ZFHX3: variants seen among roughly 807,000 people sequenced by gnomAD.
The protein encoded by ZFHX3 is zinc finger homeobox protein 3.
Under a neutral mutation model 279.1 loss-of-function variants are expected in ZFHX3, and 42 were observed. That is an observed-to-expected ratio of 0.15 (90% confidence interval 0.12 to 0.19). ZFHX3 has a LOEUF of 0.19. Ranked by LOEUF, ZFHX3 falls within the 10% of genes least tolerant of loss-of-function variation. The pLI is 1.00. For synonymous variants in ZFHX3, 2,293 were observed against 1,957.8 expected (o/e 1.17, Z -4.52); for missense variants, 4,981 against 4,754.0 (o/e 1.05, Z -1.40).
At chr16:73,641,926 T>C (rs1409106784) in intron 2 of ZFHX3, among the ~76,000 whole-genome samples, 1 of 152,114 alleles carries the variant, frequency 6.6e-6, no homozygotes, top group African/African-American at 2.4e-5. Flanking sequence ...AATTCTCAGA[T>C]GCAAACGAGA....
At chr16:73,765,293 A>C (rs328368) in intron 1 of ZFHX3, among the ~76,000 whole-genome samples, 11,640 of 152,254 alleles carry the variant, frequency 0.076, 656 homozygotes, top group African/African-American at 0.16. Context: ...TTGCAGTGCT[A>C]ATCTGTCTTG....
intron 4 of ZFHX3, among the ~76,000 whole-genome samples, chr16:72,874,204 T>TG (rs1400997572): frequency 3.1e-5 from 1 of 32,310 alleles, no homozygotes; most frequent in Non-Finnish European, 9.4e-5. Context: ...TTTGATTTTT[T>TG]TTTTTTTTTT....
chr16:73,246,827 A>G (rs527431011), intron 5 of ZFHX3, among the ~76,000 whole-genome samples: 24 of 152,352 alleles, frequency 1.6e-4, no homozygotes. Flanking sequence ...TGATTCTTTC[A>G]TTCTTGACTG....
chr16:72,946,727 G>A (rs555488419), intron 3 of ZFHX3, among the ~76,000 whole-genome samples: 2 of 152,196 alleles, frequency 1.3e-5, no homozygotes, highest in Non-Finnish European at 2.9e-5. Flanking sequence ...AGAGGGCAGA[G>A]GGCAAGCATG....
intron 4 of ZFHX3, among the ~76,000 whole-genome samples, chr16:73,317,831 T>A (rs11861693): frequency 0.02 from 2,976 of 152,292 alleles, 103 homozygotes; most frequent in African/African-American, 0.068. Context: ...GATGAAGGGA[T>A]GGCAAATAAA....
At position 72,959,313 on chromosome 16, in the gene ZFHX3, C is replaced by T. The variant is rs1961440227; in HGVS notation, c.833G>A (p.Arg278Lys). ...KFDGFVLYGK[R>K]KPILMCFLCK... is the part of the protein sequence containing the mutation. The stretch of plus-strand genomic sequence containing the variant: ...CAAGAAACACATCAGGATGGGCTTC[C>T]TCTTGCCATAGAGCACAAAGCCATC... Residue 278 changes from arginine to lysine, a missense_variant, in exon 2 of 10, where the codon AGG becomes AAG. Coordinates refer to ENST00000268489, the MANE Select transcript of ZFHX3 (RefSeq NM_006885.4). 1 of 1,614,256 alleles carries T rather than the reference C, an allele frequency of 6.2e-7. No individual in the cohort carries two copies. Among genetic ancestry groups the T allele is most frequent in the South Asian group, 1.1e-5 (1 of 91,082 alleles).
chr16:73,853,513 A>T (rs1348847797), intron 1 of ZFHX3, among the ~76,000 whole-genome samples: 1 of 152,206 alleles, frequency 6.6e-6, no homozygotes, highest in Non-Finnish European at 1.5e-5. Flanking sequence ...AAAGAATAAA[A>T]TGATGTCCTT....
intron 2 of ZFHX3, among the ~76,000 whole-genome samples, chr16:73,546,651 A>G (rs1349912397): frequency 6.6e-6 from 1 of 150,536 alleles, no homozygotes; most frequent in African/African-American, 2.4e-5. Context: ...TGGTGTGAGA[A>G]AAAGCTTTGG....
intron 2 of ZFHX3, among the ~76,000 whole-genome samples, chr16:73,570,987 A>G (rs115854718): frequency 0.016 from 2,377 of 151,984 alleles, 76 homozygotes; most frequent in African/African-American, 0.055. Context: ...GTGTTAAGAC[A>G]TCATTCCTCC....
Position 72,796,677 on chromosome 16 carries a change from T to C in ZFHX3, c.6005A>G (p.Gln2002Arg). The C allele has an allele frequency of 6.2e-7, 1 of 1,614,086 alleles. No homozygotes were observed. The highest frequency in any genetic ancestry group is 8.5e-7 in the Non-Finnish European group (1 of 1,180,020). Reference protein sequence around the residue: ...FSNILILKSHQEHVHQNYFPF... With the variant: ...FSNILILKSHREHVHQNYFPF... ...AAAGTAATTCTGATGAACGTGCTCTTGATGACTCTTTAAAATCAAGATGTT... is the reference window on the plus strand; with the variant it reads ...AAAGTAATTCTGATGAACGTGCTCTCGATGACTCTTTAAAATCAAGATGTT... Residue 2002 changes from glutamine (Q) to arginine (R), a missense_variant, in exon 9 of 10, where the codon CAA (glutamine) becomes CGA (arginine). Gln to Arg is a conservative substitution (Grantham distance 43). Around this residue, in one of 7 missense-constraint regions of ZFHX3, gnomAD observed 1,751 missense variants for 1,770.0 expected, o/e 0.99. Coordinates refer to ENST00000268489, the MANE Select transcript of ZFHX3 (RefSeq NM_006885.4).
intron 2 of ZFHX3, among the ~76,000 whole-genome samples, chr16:73,550,148 C>T (rs1019794444): frequency 6.6e-6 from 1 of 152,052 alleles, no homozygotes; most frequent in African/African-American, 2.4e-5. Flanking sequence ...CCAGGTCCCC[C>T]AGGAGTACTT....
chr16:73,488,483 G>A (rs1597355394), intron 2 of ZFHX3, among the ~76,000 whole-genome samples: 1 of 152,138 alleles, frequency 6.6e-6, no homozygotes, highest in East Asian at 1.9e-4. Context: ...AGAAACCACA[G>A]GGATATGAAA....
chr16:73,185,369 G>C (rs936079666), intron 5 of ZFHX3, among the ~76,000 whole-genome samples: 1 of 152,178 alleles, frequency 6.6e-6, no homozygotes, highest in African/African-American at 2.4e-5. Flanking sequence ...GGTTCAGGGA[G>C]GTTGAGACAT....
At chr16:73,254,437 G>T (rs188789346) in intron 5 of ZFHX3, among the ~76,000 whole-genome samples, 11 of 151,980 alleles carry the variant, frequency 7.2e-5, no homozygotes, top group Non-Finnish European at 7.4e-5. Flanking sequence ...AATAATTCAT[G>T]GAGGGGTTAG....
chr16:73,460,821 C>A (rs1034153598), intron 2 of ZFHX3, among the ~76,000 whole-genome samples: 1 of 152,110 alleles, frequency 6.6e-6, no homozygotes, highest in African/African-American at 2.4e-5. Flanking sequence ...GTGAGTGGCA[C>A]CTCCCTGCCA....
At chr16:73,001,119 G>A (rs1260300759) in intron 1 of ZFHX3, among the ~76,000 whole-genome samples, 2 of 152,174 alleles carry the variant, frequency 1.3e-5, no homozygotes, top group East Asian at 3.9e-4. Context: ...TCTGAGATGA[G>A]GCTGCAAAGA....
At chr16:73,876,261 A>C (rs911870544) in intron 1 of ZFHX3, among the ~76,000 whole-genome samples, 2 of 152,156 alleles carry the variant, frequency 1.3e-5, no homozygotes, top group Non-Finnish European at 2.9e-5. Context: ...GACAGTCATG[A>C]AAAAAATATC....
chr16:72,899,874 G>A (rs144672448), intron 3 of ZFHX3, among the ~76,000 whole-genome samples: 3,584 of 152,160 alleles, frequency 0.024, 78 homozygotes, highest in South Asian at 0.12. Context: ...TAATCTTCAG[G>A]ATTAGGGATG....
chr16:73,574,448 T>C (rs1419743940), intron 2 of ZFHX3, among the ~76,000 whole-genome samples: 1 of 152,192 alleles, frequency 6.6e-6, no homozygotes, highest in Non-Finnish European at 1.5e-5. Flanking sequence ...GATTTTTATT[T>C]GCCCATCTCT....
Sources: gnomAD v4.1 joint callset for allele counts (sites outside exome capture counted in the v4.1 genomes callset) on GRCh38, gnomAD v4.1.1 for gene constraint, gnomAD v4.1.1 regional missense constraint, MANE v1.5 for transcripts, NCBI Gene and HGNC (gene_info 2026-07-23, HGNC 2026-07-21) for gene names.